The following GLCCI1 variants were observed in gnomAD, a reference collection of about 807,000 sequenced individuals.
GLCCI1 encodes the protein glucocorticoid-induced transcript 1 protein.
Under a neutral mutation model 52.2 loss-of-function variants are expected in GLCCI1, and 24 were observed. The ratio of observed to expected loss-of-function variants is 0.46; its 90% CI spans 0.33 to 0.65. The LOEUF (loss-of-function observed/expected upper bound fraction) is 0.65. Ranked by LOEUF, GLCCI1 falls within the 30% of genes least tolerant of loss-of-function variation. GLCCI1 has a pLI of 0.02. For synonymous variants in GLCCI1, 310 were observed against 276.5 expected, an observed-to-expected ratio of 1.12 and a Z score of -1.20; for missense variants, 704 against 701.5, an observed-to-expected ratio of 1.00 and a Z score of -0.04.
chr7:7,980,808 A>C (rs900138312), intron 1 of GLCCI1: 13 of 694,302 alleles, frequency 1.9e-5, no homozygotes, highest in Non-Finnish European at 3.2e-5. Flanking sequence ...AATTAAGAAA[A>C]TAAATGAGAC....
chr7:8,008,899 T>C (rs1781206782), intron 2 of GLCCI1, among the ~76,000 whole-genome samples: 1 of 148,078 alleles, frequency 6.8e-6, no homozygotes, highest in Non-Finnish European at 1.5e-5. Flanking sequence ...CACTGAACAG[T>C]TTTTTTTTTA....
chr7:8,077,157 ACT>A (rs999919153), intron 6 of GLCCI1, among the ~76,000 whole-genome samples: 1 of 151,846 alleles, frequency 6.6e-6, no homozygotes, highest in Non-Finnish European at 1.5e-5. Context: ...TAACCAGTAA[ACT>A]CTGATAGTAA....
intron 3 of GLCCI1, among the ~76,000 whole-genome samples, chr7:8,026,103 A>AAT (rs1410080249): frequency 2.0e-5 from 3 of 152,192 alleles, no homozygotes; most frequent in Admixed American, 6.5e-5. Context: ...AGGTACATGA[A>AAT]ATATATATAT....
Position 8,086,173 on chromosome 7 carries a change from A to G in GLCCI1, c.1299-20A>G. ...TTCTGTGTTCATGATTATAAATCTAATTTTGTTTTATGGTTTTAGGTCTCG... is the reference window on the plus strand; with the variant it reads ...TTCTGTGTTCATGATTATAAATCTAGTTTTGTTTTATGGTTTTAGGTCTCG... On this transcript the variant is annotated intron_variant, in intron 7 of 7. Transcript: ENST00000223145. This position sits in a 1 kb window ranked among gnomAD's most constrained non-coding sequence, Gnocchi z 4.4. The G allele has an allele frequency of 6.4e-7, 1 of 1,563,106 alleles. No individual in the cohort carries two copies.
In GLCCI1 at chr7:8,086,577, T is replaced by G; in HGVS notation, c.*39T>G. Reference sequence around the variant, plus strand: ...GGCCTCCACCCTATGTTCCATGGATTCGGAACAAGATTTCAGACATCTGCA... The same window carrying G: ...GGCCTCCACCCTATGTTCCATGGATGCGGAACAAGATTTCAGACATCTGCA... On this transcript the variant is annotated 3_prime_UTR_variant, in exon 8 of 8. Transcript: ENST00000223145. The surrounding 1 kb of genome is among the most constrained non-coding windows in gnomAD (Gnocchi z 4.4). The G allele has an allele frequency of 6.8e-7, 1 of 1,480,682 alleles. No homozygotes were observed. The allele number at this position is 1,480,682 out of a possible 1,614,324, so 91.7% of individuals were successfully genotyped here.
At position 8,084,882 on chromosome 7, in the gene GLCCI1, G is replaced by A; in HGVS notation, c.1178-15G>A. On this transcript the variant is annotated splice_polypyrimidine_tract_variant and intron_variant, in intron 6 of 7. Coordinates refer to ENST00000223145, the MANE Select transcript of GLCCI1 (RefSeq NM_138426.4). ...CTTTCAATCACTAGTTAATATAACTGCTTTAAATTTACAGACAGTGGGAGT... is the reference window on the plus strand; with the variant it reads ...CTTTCAATCACTAGTTAATATAACTACTTTAAATTTACAGACAGTGGGAGT... 1 of 1,610,648 alleles carries A rather than the reference G, an allele frequency of 6.2e-7. No individual in the cohort carries two copies. Among genetic ancestry groups the A allele is most frequent in the Non-Finnish European group, 8.5e-7 (1 of 1,179,054 alleles).
At chr7:8,021,449 G>A (rs565414175) in intron 2 of GLCCI1, among the ~76,000 whole-genome samples, 10 of 151,850 alleles carry the variant, frequency 6.6e-5, no homozygotes, top group East Asian at 1.9e-4. Context: ...TTTCACTCTC[G>A]TCGCCCAGGC....
chr7:8,068,472 G>A (rs899473195), intron 5 of GLCCI1, among the ~76,000 whole-genome samples: 1 of 152,228 alleles, frequency 6.6e-6, no homozygotes, highest in Non-Finnish European at 1.5e-5. Context: ...GTCTCATAGT[G>A]TGTTTTTCAA....
In GLCCI1 at chr7:8,022,532, GT is replaced by G; in HGVS notation, c.661del (p.Ser221LeufsTer10). 1 of 1,585,600 alleles carries G rather than the reference GT, an allele frequency of 6.3e-7. No homozygotes were observed. The highest frequency in any genetic ancestry group is 1.1e-5 in the South Asian group (1 of 87,160). ...EEGAEKRSHQ[R>X]SASWGSADQL... ...GGTGCAGAAAAGAGGTCACATCAGC[GT>G]TCTGCGTCATGGGGGAGTGCTGATC... On this transcript the variant is annotated frameshift_variant, in exon 3 of 8. Transcript: ENST00000223145. LOFTEE classifies it high-confidence loss of function.
chr7:7,985,793 G>A (rs1286586140), intron 1 of GLCCI1, among the ~76,000 whole-genome samples: 1 of 152,106 alleles, frequency 6.6e-6, no homozygotes, highest in Non-Finnish European at 1.5e-5. Context: ...TTTTAGAATG[G>A]CAATCCTGTT....
intron 3 of GLCCI1, among the ~76,000 whole-genome samples, chr7:8,046,178 G>GAA (rs759755315): frequency 2.0e-5 from 3 of 151,324 alleles, no homozygotes; most frequent in Admixed American, 6.6e-5. Context: ...GCTGGGAATT[G>GAA]AAAGTTAGGA....
chr7:8,065,503 G>T (rs189145146), intron 5 of GLCCI1, among the ~76,000 whole-genome samples: 93 of 152,286 alleles, frequency 6.1e-4, no homozygotes, highest in African/African-American at 2.1e-3. Context: ...AATGCTTCCA[G>T]TTTTTGCCCA....
intron 2 of GLCCI1, chr7:8,004,285 AT>A (rs1781104493): frequency 4.8e-6 from 2 of 415,832 alleles, no homozygotes; most frequent in Non-Finnish European, 8.6e-6. Flanking sequence ...ATCAGTCTAT[AT>A]TACATGGTTG....
intron 1 of GLCCI1, among the ~76,000 whole-genome samples, chr7:7,997,717 C>T (rs899444478): frequency 1.1e-4 from 17 of 152,040 alleles, no homozygotes; most frequent in African/African-American, 3.9e-4. Context: ...CACCTGAGGT[C>T]AGGAATTCAA....
chr7:8,003,476 A>G (rs1781085809), intron 1 of GLCCI1, among the ~76,000 whole-genome samples: 1 of 152,226 alleles, frequency 6.6e-6, no homozygotes, highest in Admixed American at 6.5e-5. Flanking sequence ...TTATTATGTC[A>G]TACTAAATAA....
chr7:8,086,385 C>T lies in GLCCI1; in HGVS notation c.1491C>T (p.Leu497=). The T allele has an allele frequency of 1.9e-6, 3 of 1,614,156 alleles. No individual in the cohort carries two copies. The highest frequency in any genetic ancestry group is 2.5e-6 in the Non-Finnish European group (3 of 1,180,032). Residue 497 remains leucine, a synonymous_variant, in exon 8 of 8, where the codon CTC becomes CTT. Coordinates refer to ENST00000223145, the MANE Select transcript of GLCCI1 (RefSeq NM_138426.4). This position sits in a 1 kb window ranked among gnomAD's most constrained non-coding sequence, Gnocchi z 4.4. ...TGGCAACTCTGACCGTTGAGCAGCT[C>T]TCATCCCGGGTTTCCTTTACGTCTC... ...SALATLTVEQ[L]SSRVSFTSLS...
intron 6 of GLCCI1, among the ~76,000 whole-genome samples, chr7:8,072,513 A>G (rs1246077457): frequency 6.6e-6 from 1 of 152,208 alleles, no homozygotes; most frequent in Non-Finnish European, 1.5e-5. Context: ...TCACTGAAGC[A>G]TCCTGTGAGA....
chr7:8,021,145 C>T (rs1321408426), intron 2 of GLCCI1, among the ~76,000 whole-genome samples: 6 of 152,010 alleles, frequency 3.9e-5, no homozygotes, highest in Admixed American at 1.3e-4. Flanking sequence ...GCTTTTAAGA[C>T]GTGGTGATTA....
chr7:8,033,800 A>G (rs965338942), intron 3 of GLCCI1, among the ~76,000 whole-genome samples: 1 of 152,180 alleles, frequency 6.6e-6, no homozygotes, highest in Non-Finnish European at 1.5e-5. Context: ...AAGAATCAAT[A>G]GTAAGATGGT....
Sources: allele counts gnomAD v4.1 joint callset (sites outside exome capture counted in the v4.1 genomes callset), GRCh38; gene constraint gnomAD v4.1.1; non-coding constraint Gnocchi (gnomAD v3.1); transcripts MANE v1.5; gene names NCBI Gene and HGNC (gene_info 2026-07-23, HGNC 2026-07-21).